ADD2: variants seen among roughly 807,000 people sequenced by gnomAD.
ADD2 encodes beta-adducin.
Under a neutral mutation model 83.0 loss-of-function variants are expected in ADD2, and 23 were observed. The observed-to-expected ratio is 0.28, with a 90% CI of 0.20 to 0.39. The LOEUF (loss-of-function observed/expected upper bound fraction) is 0.39. Ranked by LOEUF, ADD2 falls within the 10% of genes least tolerant of loss-of-function variation. ADD2 has a pLI of 1.00. For synonymous variants in ADD2, 375 were observed against 375.4 expected, an observed-to-expected ratio of 1.00 and a Z score of 0.01; for missense variants, 758 against 944.9, an observed-to-expected ratio of 0.80 and a Z score of 2.59.
chr2:70,676,927 G>T lies in ADD2; in HGVS notation c.1504-42C>A, dbSNP rs1199479362. On this transcript the variant is annotated intron_variant, in intron 12 of 15. Transcript: ENST00000264436. The surrounding 1 kb of genome is among the most constrained non-coding windows in gnomAD (Gnocchi z 4.8). ...GAGGAAGAGTGAGCTGGCTGTTCAGGGTCAGCGTGGAGTTTGGGAGGGGGC... is the reference window on the plus strand; with the variant it reads ...GAGGAAGAGTGAGCTGGCTGTTCAGTGTCAGCGTGGAGTTTGGGAGGGGGC... The T allele has an allele frequency of 4.4e-6, 7 of 1,598,170 alleles. No homozygotes were observed. The highest frequency in any genetic ancestry group is 6.0e-6 in the Non-Finnish European group (7 of 1,169,232).
chr2:70,730,813 G>GTAATT (rs1340943566), intron 1 of ADD2, among the ~76,000 whole-genome samples: 1 of 152,168 alleles, frequency 6.6e-6, no homozygotes, highest in African/African-American at 2.4e-5. Context: ...CCATTGTGTT[G>GTAATT]TAATTGCCTA....
At chr2:70,756,667 A>C (rs1674809188) in intron 1 of ADD2, among the ~76,000 whole-genome samples, 1 of 152,190 alleles carries the variant, frequency 6.6e-6, no homozygotes, top group Non-Finnish European at 1.5e-5. Flanking sequence ...ACGTGGTGGT[A>C]ATAGCCTTAT....
intron 1 of ADD2, among the ~76,000 whole-genome samples, chr2:70,718,275 G>A (rs1341441379): frequency 6.6e-6 from 1 of 152,180 alleles, no homozygotes; most frequent in African/African-American, 2.4e-5. Flanking sequence ...ACAGTTATTT[G>A]TCAAGTATCT....
rs144952281 is a variant in ADD2 at position 70,671,628 on chromosome 2, A to G, written c.1870+1250T>C. Among the ~76,000 whole-genome samples the G allele has an allele frequency of 4.6e-4, 70 of 152,320 alleles. 1 individual carries two copies. The East Asian group carries it at 0.013, about 28-fold the overall frequency. On this transcript the variant is annotated intron_variant, in intron 15 of 15. Transcript: ENST00000264436. Reference sequence around the variant, plus strand: ...TTGATGAAGGCACAAATGGGAAGAGAAAGGAAGACATTGTGGAGACAGGTT... The same window carrying G: ...TTGATGAAGGCACAAATGGGAAGAGGAAGGAAGACATTGTGGAGACAGGTT...
At position 70,667,846 on chromosome 2, in the gene ADD2, G is replaced by A. The variant is rs1188351114; in HGVS notation, c.1871-4111C>T. 2.0e-5 allele frequency among the ~76,000 whole-genome samples: 3 copies of A among 151,928 alleles called. No homozygotes were observed. The East Asian group carries it at 5.8e-4, about 29-fold the overall frequency. On this transcript the variant is annotated intron_variant, in intron 15 of 15. Coordinates refer to ENST00000264436, the MANE Select transcript of ADD2 (RefSeq NM_001617.4). ...GTTGGCCAGGCTGATCTCAAACTCC[G>A]GACCTCAGGCGATCCACCAGCCTCA...
At chr2:70,694,533 C>A (rs1432967062) in intron 6 of ADD2, among the ~76,000 whole-genome samples, 3 of 152,148 alleles carry the variant, frequency 2.0e-5, no homozygotes, top group Non-Finnish European at 4.4e-5. Context: ...AATACTTGAG[C>A]CAGACTTGGC....
intron 1 of ADD2, among the ~76,000 whole-genome samples, chr2:70,718,147 A>G (rs1672564298): frequency 6.6e-6 from 1 of 152,232 alleles, no homozygotes; most frequent in South Asian, 2.1e-4. Flanking sequence ...CAAACCTAAT[A>G]GTTGGTAGGC....
chr2:70,681,154 A>G (rs1274579395), intron 10 of ADD2, among the ~76,000 whole-genome samples: 1 of 152,174 alleles, frequency 6.6e-6, no homozygotes. Flanking sequence ...TAATATCACT[A>G]TTATAGAACC....
At chr2:70,686,940 C>T (rs535298521) in intron 9 of ADD2, among the ~76,000 whole-genome samples, 1 of 152,334 alleles carries the variant, frequency 6.6e-6, no homozygotes, top group East Asian at 1.9e-4. Flanking sequence ...TCAATCTCCC[C>T]AGAGTGCCTC....
chr2:70,691,023 GGTGAGGGGTGAGGA>G (rs782479025), intron 7 of ADD2, 94 bp from the exon 8 acceptor site: 7 of 1,428,260 alleles, frequency 4.9e-6, no homozygotes, highest in African/African-American at 2.9e-5. Context: ...GCCAGTGAGG[GGTGAGGGGTGAGGA>G]GTGAGGGGTG....
chr2:70,676,059 C>CACAA lies in ADD2; in HGVS notation c.1593+736_1593+737insTTGT. 1 of 985,424 alleles carries CACAA rather than the reference C, an allele frequency of 1.0e-6. No individual in the cohort carries two copies. Among genetic ancestry groups the CACAA allele is most frequent in the Non-Finnish European group, 1.2e-6 (1 of 829,938 alleles). The allele number at this position is 985,424 out of a possible 1,614,324, so 61.0% of individuals were successfully genotyped here. ...GTGGGCTGCAGTCTTGACCTGAAAT[C>CACAA]ATTGCATCATCACAATTTGCCCTGC... is the stretch of plus-strand genomic sequence containing the variant. On this transcript the variant is annotated intron_variant, in intron 13 of 15. Coordinates refer to ENST00000264436, the MANE Select transcript of ADD2 (RefSeq NM_001617.4). This position sits in a 1 kb window ranked among gnomAD's most constrained non-coding sequence, Gnocchi z 4.8.
chr2:70,672,923 C>G lies in ADD2; in HGVS notation c.1825G>C (p.Ala609Pro). 6.2e-7 allele frequency: 1 copy of G among 1,613,604 alleles called. No individual in the cohort carries two copies. The highest frequency in any genetic ancestry group is 1.1e-5 in the South Asian group (1 of 90,898). Residue 609 changes from alanine to proline, a missense_variant, in exon 15 of 16, where the codon GCA (alanine) becomes CCA (proline). Physicochemically the swap from Ala to Pro is conservative, Grantham distance 27. Transcript: ENST00000264436. ...ASPVQSPAKEAETKSPLVSPS... is the reference protein window; with the variant it reads ...ASPVQSPAKEPETKSPLVSPS... The stretch of plus-strand genomic sequence containing the variant: ...GAGACTAAAGGGCTCTTTGTCTCTG[C>G]CTCCTTCGCTGGGCTCTGCACTGGA...
chr2:70,761,584 G>A (rs1553384954), intron 1 of ADD2, among the ~76,000 whole-genome samples: 5 of 141,664 alleles, frequency 3.5e-5, no homozygotes, highest in East Asian at 4.1e-4. Context: ...CTCCAGCCTG[G>A]GTGACAGAAA....
chr2:70,756,376 T>C (rs1558582814), intron 1 of ADD2, among the ~76,000 whole-genome samples: 1 of 152,190 alleles, frequency 6.6e-6, no homozygotes, highest in Non-Finnish European at 1.5e-5. Flanking sequence ...AGCCTATCTC[T>C]GTGGGTCACT....
chr2:70,753,543 G>C (rs926652254), intron 1 of ADD2, among the ~76,000 whole-genome samples: 1 of 152,052 alleles, frequency 6.6e-6, no homozygotes, highest in African/African-American at 2.4e-5. Context: ...GCCTCTGATA[G>C]AAGCAGGGGC....
intron 1 of ADD2, among the ~76,000 whole-genome samples, chr2:70,716,681 G>GC: frequency 6.6e-6 from 1 of 152,298 alleles, no homozygotes; most frequent in Admixed American, 6.5e-5. Flanking sequence ...TAATGAAGCA[G>GC]CCCTGTCCAG....
At chr2:70,708,418 G>A (rs1179943471) in intron 2 of ADD2, among the ~76,000 whole-genome samples, 1 of 152,172 alleles carries the variant, frequency 6.6e-6, no homozygotes, top group African/African-American at 2.4e-5. Flanking sequence ...GTATGACCTG[G>A]ACATCAGGAT....
Position 70,658,400 on chromosome 2 carries a change from T to C in ADD2, c.*5025A>G, listed in dbSNP as rs965435659. The C allele has an allele frequency of 6.6e-6, 1 of 152,180 alleles. No individual in the cohort carries two copies. The highest frequency in any genetic ancestry group is 2.1e-4 in the South Asian group (1 of 4,826). The allele number at this position is 152,180 out of a possible 1,614,324, so 9.4% of individuals were successfully genotyped here. A position where few individuals can be genotyped will look rare whatever the true frequency, so the allele number is the denominator to read the frequency against. ...TAATTACACTCCATGTACGCTTTCTTATGTTATGGTGCAAGTGGAAATGTG... is the reference window on the plus strand; with the variant it reads ...TAATTACACTCCATGTACGCTTTCTCATGTTATGGTGCAAGTGGAAATGTG... On this transcript the variant is annotated 3_prime_UTR_variant, in exon 16 of 16. Transcript: ENST00000264436.
At chr2:70,704,487 C>A (rs1006847483) in intron 3 of ADD2, 28 bp from the exon 4 acceptor site, 1 of 1,612,096 alleles carries the variant, frequency 6.2e-7, no homozygotes, top group East Asian at 2.2e-5. Flanking sequence ...GTGCTTGTCC[C>A]CCCACAGCCT....
Sources: allele counts gnomAD v4.1 joint callset (sites outside exome capture counted in the v4.1 genomes callset), GRCh38; gene constraint gnomAD v4.1.1; non-coding constraint Gnocchi (gnomAD v3.1); transcripts MANE v1.5; gene names NCBI Gene and HGNC (gene_info 2026-07-23, HGNC 2026-07-21).